EGFLAM: variants seen among roughly 807,000 people sequenced by gnomAD.
EGFLAM encodes pikachurin.
In EGFLAM, 79 loss-of-function variants were observed where a neutral mutation model predicts 113.1. That is an observed-to-expected ratio of 0.70 (90% confidence interval 0.58 to 0.84). EGFLAM has a LOEUF of 0.84. Among genes scored for constraint, EGFLAM ranks in the 40% least tolerant of loss-of-function variants. The pLI, the probability that EGFLAM is intolerant of heterozygous loss-of-function variation, is 0.00. For synonymous variants in EGFLAM, 504 were observed against 487.6 expected, an observed-to-expected ratio of 1.03 and a Z score of -0.44; for missense variants, 1,265 against 1,291.6, an observed-to-expected ratio of 0.98 and a Z score of 0.32.
chr5:38,356,349 C>T (rs1273402980), intron 5 of EGFLAM, among the ~76,000 whole-genome samples: 5 of 152,170 alleles, frequency 3.3e-5, no homozygotes, highest in Admixed American at 1.3e-4. Context: ...GCAAATGCAA[C>T]CCTCATTGCA....
chr5:38,406,098 G>T (rs1413254050), intron 6 of EGFLAM, 28 bp from the exon 7 acceptor site: 1 of 1,578,858 alleles, frequency 6.3e-7, no homozygotes, highest in Admixed American at 1.7e-5. Flanking sequence ...CTGTGCTGAT[G>T]AAGGGTGTGC....
intron 1 of EGFLAM, among the ~76,000 whole-genome samples, chr5:38,271,575 A>T (rs1272364718): frequency 6.6e-6 from 1 of 152,128 alleles, no homozygotes; most frequent in African/African-American, 2.4e-5. Context: ...CACTTTCCCA[A>T]TGCTGAATGT....
intron 1 of EGFLAM, among the ~76,000 whole-genome samples, chr5:38,280,101 G>A (rs964317225): frequency 1.3e-5 from 2 of 152,126 alleles, no homozygotes; most frequent in Non-Finnish European, 2.9e-5. Flanking sequence ...TATAGATTTT[G>A]CTAGTTGGTG....
At chr5:38,421,171 C>T (rs187936525) in intron 12 of EGFLAM, among the ~76,000 whole-genome samples, 2 of 152,308 alleles carry the variant, frequency 1.3e-5, no homozygotes, top group East Asian at 3.9e-4. Context: ...CCACTAAACC[C>T]GTTTTTATTC....
In EGFLAM at chr5:38,294,882, A is replaced by G. The variant is rs554868842; in HGVS notation, c.97+36031A>G. ...CTCTTGTTGCCCAGGCTGGAGTGCA[A>G]TGGCGCAGTCTCGGCTCACCACAAC... On this transcript the variant is annotated intron_variant, in intron 1 of 21. Transcript: ENST00000322350. Among the ~76,000 whole-genome samples the G allele has an allele frequency of 6.6e-5, 10 of 152,160 alleles. No homozygotes were observed. In the South Asian group the frequency reaches 2.1e-3, roughly 32 times the overall value.
At position 38,385,969 on chromosome 5, in the gene EGFLAM, A is replaced by G. The variant is rs148065568; in HGVS notation, c.712+15507A>G. Among the ~76,000 whole-genome samples the G allele has an allele frequency of 1.6e-3, 244 of 152,318 alleles. 3 individuals carry two copies. Among genetic ancestry groups the G allele is most frequent in the African/African-American group, 5.5e-3 (230 of 41,576 alleles). Reference sequence around the variant, plus strand: ...TATTGCTCCTGGGCTACAAACCTGAACAGAATGTTATAGTACTGAATACCA... The same window carrying G: ...TATTGCTCCTGGGCTACAAACCTGAGCAGAATGTTATAGTACTGAATACCA... On this transcript the variant is annotated intron_variant, in intron 6 of 21. Transcript: ENST00000322350.
intron 12 of EGFLAM, among the ~76,000 whole-genome samples, chr5:38,422,028 G>A (rs1443086447): frequency 1.3e-5 from 2 of 152,114 alleles, no homozygotes; most frequent in Non-Finnish European, 2.9e-5. Flanking sequence ...TAGAAACAGA[G>A]ACGGATCTGA....
rs2731973 is a variant in EGFLAM, at chr5:38,440,551, G to C, written c.2464+2096G>C. ...GGCGATTATGTTGTTCCATAGAGAT[G>C]CAAGAGAATACATAGAAAGTTTGCG... On this transcript the variant is annotated intron_variant, in intron 17 of 21. Transcript: ENST00000322350. Among the ~76,000 whole-genome samples the C allele has an allele frequency of 9.8e-5, 15 of 152,334 alleles. No homozygotes were observed. The South Asian group carries it at 2.9e-3, about 29-fold the overall frequency.
At position 38,462,907 on chromosome 5, in the gene EGFLAM, G is replaced by C. The variant is rs1398722396; in HGVS notation, c.2772-1G>C. On this transcript the variant is annotated splice_acceptor_variant, in intron 20 of 21. Coordinates refer to ENST00000322350, the MANE Select transcript of EGFLAM (RefSeq NM_152403.4). LOFTEE classifies it high-confidence loss of function. ...TTCTTTTTTGTTTTGGTGTTTTGCA[G>C]GGATGGCCAGTCAGGAAAGATAACC... is the stretch of plus-strand genomic sequence containing the variant. 6 of 1,613,944 alleles carry C rather than the reference G, an allele frequency of 3.7e-6. No homozygotes were observed. Among genetic ancestry groups the C allele is most frequent in the Non-Finnish European group, 5.1e-6 (6 of 1,179,972 alleles).
chr5:38,310,670 G>A (rs1202308908), intron 1 of EGFLAM, among the ~76,000 whole-genome samples: 1 of 151,842 alleles, frequency 6.6e-6, no homozygotes, highest in East Asian at 1.9e-4. Context: ...TAAATATTAA[G>A]GCCATTATCC....
chr5:38,260,416 T>A lies in EGFLAM; in HGVS notation c.97+1565T>A, dbSNP rs547218393. On this transcript the variant is annotated intron_variant, in intron 1 of 21. Transcript: ENST00000322350. ...TTTTAAAAAGCATTTTATAAAAACC[T>A]GTTGTATAAAACTGCTCATGTGGGT... Among the ~76,000 whole-genome samples, 18 of 152,346 alleles carry A rather than the reference T, an allele frequency of 1.2e-4. No individual in the cohort carries two copies. The South Asian group carries it at 1.4e-3, about 12-fold the overall frequency.
intron 13 of EGFLAM, 151 bp from the exon 14 acceptor site, chr5:38,426,857 GC>G: frequency 8.6e-7 from 1 of 1,167,576 alleles, no homozygotes; most frequent in Admixed American, 2.5e-5. Flanking sequence ...TGTTCTACTG[GC>G]CAGAATTCAG....
chr5:38,341,540 C>T (rs143996656), intron 3 of EGFLAM, among the ~76,000 whole-genome samples: 1 of 152,306 alleles, frequency 6.6e-6, no homozygotes, highest in Non-Finnish European at 1.5e-5. Flanking sequence ...AGAGCCAAAC[C>T]ATATCAACTA....
intron 18 of EGFLAM, 145 bp downstream of exon 18, chr5:38,448,524 C>CA (rs1269765006): frequency 2.6e-6 from 2 of 762,734 alleles, no homozygotes; most frequent in African/African-American, 3.5e-5. Context: ...AAAACACACA[C>CA]AACAAGAAAT....
chr5:38,328,723 GTTTTTT>G (rs3077265), intron 1 of EGFLAM, among the ~76,000 whole-genome samples: 4,477 of 103,172 alleles, frequency 0.043, 163 homozygotes, highest in African/African-American at 0.15. Context: ...AGCTATACTT[GTTTTTT>G]TTTTTTTTTT....
At chr5:38,361,011 C>A (rs923406482) in intron 5 of EGFLAM, among the ~76,000 whole-genome samples, 2 of 147,090 alleles carry the variant, frequency 1.4e-5, no homozygotes, top group South Asian at 4.2e-4. Context: ...TGTGCCACCA[C>A]GCCCAGCTAA....
At chr5:38,280,906 T>A (rs1438390812) in intron 1 of EGFLAM, among the ~76,000 whole-genome samples, 1 of 152,182 alleles carries the variant, frequency 6.6e-6, no homozygotes, top group Admixed American at 6.5e-5. Context: ...GAGAATTAGG[T>A]CTGATCTAGC....
chr5:38,393,317 C>G (rs1273330894), intron 6 of EGFLAM, among the ~76,000 whole-genome samples: 1 of 151,978 alleles, frequency 6.6e-6, no homozygotes, highest in African/African-American at 2.4e-5. Flanking sequence ...AATTCTGAAA[C>G]TTGAACAGTC....
At chr5:38,338,832 G>A (rs1342111200) in intron 3 of EGFLAM, 51 bp downstream of exon 3, 13 of 1,506,240 alleles carry the variant, frequency 8.6e-6, no homozygotes, top group South Asian at 1.1e-5. Context: ...GGCACTATTC[G>A]GGCGGATTGC....
Sources: allele counts gnomAD v4.1 joint callset (sites outside exome capture counted in the v4.1 genomes callset), GRCh38; gene constraint gnomAD v4.1.1; transcripts MANE v1.5; gene names NCBI Gene and HGNC (gene_info 2026-07-23, HGNC 2026-07-21).